The following ZCCHC12 variants were observed in gnomAD, a reference collection of about 807,000 sequenced individuals.
ZCCHC12 encodes the protein zinc finger CCHC-type containing 12, also known as zinc finger CCHC domain-containing protein 12.
For missense variants in ZCCHC12, 317 were observed against 323.4 expected, an observed-to-expected ratio of 0.98 and a Z score of 0.15; for synonymous variants, 128 against 123.2, an observed-to-expected ratio of 1.04 and a Z score of -0.26.
Position 118,825,968 on chromosome X carries a change from G to T in ZCCHC12, c.724G>T (p.Ala242Ser). 1 of 1,211,795 alleles carries T rather than the reference G, an allele frequency of 8.3e-7. No homozygotes were observed. The change falls in exon 4 of 4, where the codon GCA (alanine) becomes TCA (serine). Residue 242 changes from alanine to serine, a missense_variant. Ala to Ser is a moderately conservative substitution (Grantham distance 99, BLOSUM62 1). Coordinates refer to ENST00000310164, the MANE Select transcript of ZCCHC12 (RefSeq NM_173798.4). ...AAGGTCTGAGTCAATGGTGGAGAGGGCAGTCAGCCCTGTGGCATTTCAGGG... is the reference window on the plus strand; with the variant it reads ...AAGGTCTGAGTCAATGGTGGAGAGGTCAGTCAGCCCTGTGGCATTTCAGGG... ...PKRSESMVER[A>S]VSPVAFQGSP... is the part of the protein sequence containing the mutation.
intron 3 of ZCCHC12, 125 bp from the exon 4 acceptor site, chrX:118,825,006 A>G (rs1420496763): frequency 3.3e-5 from 14 of 423,021 alleles, no homozygotes; most frequent in East Asian, 1.6e-4. Context: ...GTAAGTGTCA[A>G]TCTCCTACAG....
At chrX:118,824,495 C>G (rs1409106960) in intron 2 of ZCCHC12, 94 bp from the exon 3 acceptor site, 1 of 110,525 alleles carries the variant, frequency 9.0e-6, no homozygotes, top group Non-Finnish European at 1.9e-5. Context: ...CTGGCAACAG[C>G]GGAGGTGGTG....
rs1199954091 is a variant in ZCCHC12, at chrX:118,826,264, G to A, written c.1020G>A (p.Lys340=). The A allele has an allele frequency of 6.6e-6, 8 of 1,209,822 alleles. No homozygotes were observed. The South Asian group carries it at 7.0e-5, about 11-fold the overall frequency. ...NGPGEMRRAR[K]RKHTIRCSYC... The stretch of plus-strand genomic sequence containing the variant: ...CTGGGGAGATGCGTAGAGCCAGGAA[G>A]CGAAAACACACAATCCGCTGTTCGT... Residue 340 remains lysine, a synonymous_variant, in exon 4 of 4, where the codon AAG becomes AAA. Coordinates refer to ENST00000310164, the MANE Select transcript of ZCCHC12 (RefSeq NM_173798.4).
chrX:118,826,593 G>A lies in ZCCHC12; in HGVS notation c.*140G>A. On this transcript the variant is annotated 3_prime_UTR_variant, in exon 4 of 4. Transcript: ENST00000310164. The stretch of plus-strand genomic sequence containing the variant: ...GCTATCTTTTGGGGTGGAGTAGAAA[G>A]GGTCTTGGATACCAGCACATTGGAG... The A allele has an allele frequency of 1.2e-6, 1 of 841,324 alleles. No homozygotes were observed. The highest frequency in any genetic ancestry group is 2.7e-5 in the Admixed American group (1 of 37,316). 69.3% of individuals were successfully genotyped at this position (841,324 alleles called of 1,213,427 possible).
At chrX:118,824,948 C>CA (rs1489892283) in intron 3 of ZCCHC12, among the ~76,000 whole-genome samples, 183 bp from the exon 4 acceptor site, 1 of 111,720 alleles carries the variant, frequency 9.0e-6, no homozygotes, top group Non-Finnish European at 1.9e-5. Flanking sequence ...GATGTGGCTG[C>CA]AAAAAGCACC....
rs2018243263 is a variant in ZCCHC12 at position 118,825,609 on chromosome X, G to A, written c.365G>A (p.Gly122Glu). Reference sequence around the variant, plus strand: ...TTGCGAGCCATGAAATTGGTGTTTGGGGAGTCTGAAAGCAGTGTGACTGCC... The same window carrying A: ...TTGCGAGCCATGAAATTGGTGTTTGAGGAGTCTGAAAGCAGTGTGACTGCC... Reference protein sequence around the residue: ...DFLRAMKLVFGESESSVTAHG... With the variant: ...DFLRAMKLVFEESESSVTAHG... Residue 122 changes from glycine to glutamate, a missense_variant, in exon 4 of 4, where the codon GGG (glycine) becomes GAG (glutamate). Gly to Glu is a moderately conservative substitution (Grantham distance 98). Coordinates refer to ENST00000310164, the MANE Select transcript of ZCCHC12 (RefSeq NM_173798.4). 2.5e-6 allele frequency: 3 copies of A among 1,211,812 alleles called. No individual in the cohort carries two copies. Among genetic ancestry groups the A allele is most frequent in the Middle Eastern group, 2.3e-4 (1 of 4,354 alleles).
rs192025061 is a variant in ZCCHC12, at chrX:118,826,503, T to C, written c.*50T>C. The C allele has an allele frequency of 5.2e-4, 517 of 1,001,931 alleles. 1 individual carries two copies. The highest frequency in any genetic ancestry group is 2.4e-3 in the Admixed American group (93 of 39,529). 82.6% of individuals were successfully genotyped at this position (1,001,931 alleles called of 1,213,427 possible). A position where few individuals can be genotyped will look rare whatever the true frequency, so the allele number is the denominator to read the frequency against. ...ACCCTTACCTATATTCAGCATCCAG[T>C]AGTGGGAAAACTGGGGTGGGGGTGG... is the stretch of plus-strand genomic sequence containing the variant. On this transcript the variant is annotated 3_prime_UTR_variant, in exon 4 of 4. Coordinates refer to ENST00000310164, the MANE Select transcript of ZCCHC12 (RefSeq NM_173798.4).
rs376655847 is a variant in ZCCHC12 at position 118,825,844 on chromosome X, A to T, written c.600A>T (p.Ala200=). ...LRLKDFLRMY[A]NEQERLPNFL... ...TTAAGGATTTTCTCAGGATGTATGC[A>T]AATGAGCAGGAGCGGCTTCCCAACT... Residue 200 remains alanine, a synonymous_variant, in exon 4 of 4, where the codon GCA becomes GCT. Transcript: ENST00000310164. 8.3e-6 allele frequency: 10 copies of T among 1,209,937 alleles called. No individual in the cohort carries two copies. In the Admixed American group the frequency reaches 1.3e-4, roughly 16 times the overall value.
rs768723169 is a variant in ZCCHC12, at chrX:118,826,960, A to C, written c.*507A>C. Reference sequence around the variant, plus strand: ...TGAGCTTCTATGTCAATAAATATATATATCAGCATCTGCCTTAATGTGTCT... The same window carrying C: ...TGAGCTTCTATGTCAATAAATATATCTATCAGCATCTGCCTTAATGTGTCT... On this transcript the variant is annotated 3_prime_UTR_variant, in exon 4 of 4. Coordinates refer to ENST00000310164, the MANE Select transcript of ZCCHC12 (RefSeq NM_173798.4). 14 of 133,792 alleles carry C rather than the reference A, an allele frequency of 1.0e-4. No homozygotes were observed. The highest frequency in any genetic ancestry group is 2.2e-4 in the Non-Finnish European group (13 of 59,256). The allele number at this position is 133,792 out of a possible 1,213,427, so 11.0% of individuals were successfully genotyped here.
rs750852225 is a variant in ZCCHC12 at position 118,825,677 on chromosome X, G to C, written c.433G>C (p.Ala145Pro). ...CACCCTACAAGCTCAAGGGGAGAAAGCCTCCCTTTATGTGATCCGTTTAGA... is the reference window on the plus strand; with the variant it reads ...CACCCTACAAGCTCAAGGGGAGAAACCCTCCCTTTATGTGATCCGTTTAGA... The part of the protein sequence containing the change: ...FNTLQAQGEK[A>P]SLYVIRLEVQ... The change falls in exon 4 of 4, where the codon GCC becomes CCC. Residue 145 changes from alanine (A) to proline (P), a missense_variant. Transcript: ENST00000310164. 31 of 1,209,781 alleles carry C rather than the reference G, an allele frequency of 2.6e-5. No individual in the cohort carries two copies. The highest frequency in any genetic ancestry group is 3.5e-5 in the Non-Finnish European group (31 of 895,242).
chrX:118,826,057 C>T lies in ZCCHC12; in HGVS notation c.813C>T (p.Asp271=), dbSNP rs1174068367. The change falls in exon 4 of 4, where the codon GAC becomes GAT. Residue 271 remains aspartate, a synonymous_variant. Coordinates refer to ENST00000310164, the MANE Select transcript of ZCCHC12 (RefSeq NM_173798.4). The part of the protein sequence containing the change: ...CNVIEIDDTL[D]DSDEDVILVE... ...TGATAGAGATAGATGATACCCTCGA[C>T]GACTCCGATGAGGATGTGATCCTGG... 5.0e-6 allele frequency: 6 copies of T among 1,209,052 alleles called. No individual in the cohort carries two copies. Among genetic ancestry groups the T allele is most frequent in the East Asian group, 3.0e-5 (1 of 33,717 alleles).
In ZCCHC12 at chrX:118,825,582, T is replaced by G. The variant is rs376775725; in HGVS notation, c.338T>G (p.Phe113Cys). The G allele has an allele frequency of 2.5e-6, 3 of 1,209,944 alleles. No individual in the cohort carries two copies. In the African/African-American group the frequency reaches 5.3e-5, roughly 21 times the overall value. The stretch of plus-strand genomic sequence containing the variant: ...AACCCTAACCTAAGTGTGGCAGATT[T>G]CTTGCGAGCCATGAAATTGGTGTTT... The part of the protein sequence containing the change: ...ATNPNLSVAD[F>C]LRAMKLVFGE... The change falls in exon 4 of 4, where the codon TTC becomes TGC. Residue 113 changes from phenylalanine to cysteine, a missense_variant. Transcript: ENST00000310164.
In ZCCHC12 at chrX:118,825,113, C is replaced by T. The variant is rs916975923; in HGVS notation, c.-114-18C>T. On this transcript the variant is annotated intron_variant, in intron 3 of 3. Transcript: ENST00000310164. ...CAGCCCGCTCCCTTATTAACCAGCC[C>T]CCCTTTCTTTTTTACAGCCCCTGCT... 4 of 860,286 alleles carry T rather than the reference C, an allele frequency of 4.6e-6. No homozygotes were observed. The highest frequency in any genetic ancestry group is 6.7e-6 in the Non-Finnish European group (4 of 592,801). 70.9% of individuals were successfully genotyped at this position (860,286 alleles called of 1,213,427 possible). A position where few individuals can be genotyped will look rare whatever the true frequency, so the allele number is the denominator to read the frequency against.
Position 118,826,000 on chromosome X carries a change from A to G in ZCCHC12, c.756A>G (p.Pro252=). 1 of 1,211,641 alleles carries G rather than the reference A, an allele frequency of 8.3e-7. No individual in the cohort carries two copies. ...AVSPVAFQGS[P]PIVIGSADCN... ...GCCCTGTGGCATTTCAGGGCTCCCC[A>G]CCGATAGTGATCGGCAGTGCTGACT... is the stretch of plus-strand genomic sequence containing the variant. Residue 252 remains proline (P), a synonymous_variant, in exon 4 of 4, where the codon CCA becomes CCG. Coordinates refer to ENST00000310164, the MANE Select transcript of ZCCHC12 (RefSeq NM_173798.4).
Position 118,826,586 on chromosome X carries a change from G to A in ZCCHC12, c.*133G>A. On this transcript the variant is annotated 3_prime_UTR_variant, in exon 4 of 4. Transcript: ENST00000310164. Reference sequence around the variant, plus strand: ...CAAAGCGGCTATCTTTTGGGGTGGAGTAGAAAGGGTCTTGGATACCAGCAC... The same window carrying A: ...CAAAGCGGCTATCTTTTGGGGTGGAATAGAAAGGGTCTTGGATACCAGCAC... 1 of 884,355 alleles carries A rather than the reference G, an allele frequency of 1.1e-6. No individual in the cohort carries two copies. The highest frequency in any genetic ancestry group is 1.6e-6 in the Non-Finnish European group (1 of 620,788). 72.9% of individuals were successfully genotyped at this position (884,355 alleles called of 1,213,427 possible).
In ZCCHC12 at chrX:118,825,232, A is replaced by G. The variant is rs2018236413; in HGVS notation, c.-13A>G. 8.3e-7 allele frequency: 1 copy of G among 1,211,974 alleles called. No homozygotes were observed. The highest frequency in any genetic ancestry group is 3.0e-5 in the East Asian group (1 of 33,844). Reference sequence around the variant, plus strand: ...GCATCTTCTTATATTCAGATACCCTATCGTCGTCAGTCATGGCTAGCATCA... The same window carrying G: ...GCATCTTCTTATATTCAGATACCCTGTCGTCGTCAGTCATGGCTAGCATCA... On this transcript the variant is annotated 5_prime_UTR_variant, in exon 4 of 4. Transcript: ENST00000310164.
At position 118,825,571 on chromosome X, in the gene ZCCHC12, T is replaced by G; in HGVS notation, c.327T>G (p.Ser109Arg). The change falls in exon 4 of 4, where the codon AGT becomes AGG. Residue 109 changes from serine to arginine, a missense_variant. Transcript: ENST00000310164. ...TTCAGGCGACCAACCCTAACCTAAG[T>G]GTGGCAGATTTCTTGCGAGCCATGA... ...RVLQATNPNL[S>R]VADFLRAMKL... The G allele has an allele frequency of 1.7e-6, 2 of 1,211,351 alleles. No individual in the cohort carries two copies. Among genetic ancestry groups the G allele is most frequent in the Non-Finnish European group, 2.2e-6 (2 of 895,424 alleles).
At position 118,825,450 on chromosome X, in the gene ZCCHC12, A is replaced by G; in HGVS notation, c.206A>G (p.Asn69Ser). The G allele has an allele frequency of 8.3e-7, 1 of 1,211,791 alleles. No homozygotes were observed. The change falls in exon 4 of 4, where the codon AAT becomes AGT. Residue 69 changes from asparagine to serine, a missense_variant. By Grantham distance (46) the Asn-to-Ser change is conservative. Coordinates refer to ENST00000310164, the MANE Select transcript of ZCCHC12 (RefSeq NM_173798.4). ...ETFENWLTQV[N>S]GVLPDWNMSE... The stretch of plus-strand genomic sequence containing the variant: ...TTTGAAAACTGGCTGACCCAAGTCA[A>G]TGGCGTCCTGCCAGATTGGAATATG...
Position 118,825,344 on chromosome X carries a change from G to A in ZCCHC12, c.100G>A (p.Gly34Ser), listed in dbSNP as rs190906444. 2.3e-4 allele frequency: 279 copies of A among 1,209,291 alleles called. No individual in the cohort carries two copies. The highest frequency in any genetic ancestry group is 9.2e-4 in the Middle Eastern group (4 of 4,350). Residue 34 changes from glycine (G) to serine (S), a missense_variant, in exon 4 of 4, where the codon GGT (glycine) becomes AGT (serine). Coordinates refer to ENST00000310164, the MANE Select transcript of ZCCHC12 (RefSeq NM_173798.4). ...SMLRSLGRSLGPIMASMADRN... is the reference protein window; with the variant it reads ...SMLRSLGRSLSPIMASMADRN... ...GCTGAGGTCCCTGGGGAGAAGTCTC[G>A]GTCCTATAATGGCCAGCATGGCAGA...
Sources: gnomAD v4.1 joint callset for allele counts (sites outside exome capture counted in the v4.1 genomes callset) on GRCh38, gnomAD v4.1.1 for gene constraint, MANE v1.5 for transcripts, NCBI Gene and HGNC (gene_info 2026-07-23, HGNC 2026-07-21) for gene names.